NCOA1: variants seen among roughly 807,000 people sequenced by gnomAD.
NCOA1 encodes Hin-2 protein.
A neutral mutation model predicts 150.9 loss-of-function variants in NCOA1; 35 were observed. That is an observed-to-expected ratio of 0.23 (90% CI 0.18 to 0.31). The LOEUF (loss-of-function observed/expected upper bound fraction) is 0.31. NCOA1 is among the 10% of genes least tolerant of loss of function. The probability of loss-of-function intolerance (pLI) is 1.00; values close to 1 mark genes in which losing one functional copy is unlikely to be tolerated. For synonymous variants in NCOA1, 590 were observed against 630.0 expected, an observed-to-expected ratio of 0.94 and a Z score of 0.95; for missense variants, 1,491 against 1,749.3, an observed-to-expected ratio of 0.85 and a Z score of 2.63.
intron 19 of NCOA1, among the ~76,000 whole-genome samples, chr2:24,742,597 C>CT (rs766667222): frequency 1.3e-5 from 2 of 151,790 alleles, no homozygotes; most frequent in South Asian, 2.1e-4. Flanking sequence ...GCTAGGATTA[C>CT]AGGCATGTGC....
intron 7 of NCOA1, among the ~76,000 whole-genome samples, chr2:24,675,320 G>T (rs1671855516): frequency 6.6e-6 from 1 of 152,180 alleles, no homozygotes. Flanking sequence ...CTTGGAAATG[G>T]GATGAAATCA....
At chr2:24,661,786 C>T (rs1020970720) in intron 5 of NCOA1, among the ~76,000 whole-genome samples, 2 of 152,078 alleles carry the variant, frequency 1.3e-5, no homozygotes, top group African/African-American at 4.8e-5. Context: ...ATGATAATTG[C>T]CTTGATATGT....
chr2:24,654,494 C>T (rs1670838367), intron 4 of NCOA1, among the ~76,000 whole-genome samples: 1 of 152,028 alleles, frequency 6.6e-6, no homozygotes, highest in South Asian at 2.1e-4. Flanking sequence ...TGAAAACATC[C>T]AGTTAACAAG....
chr2:24,691,773 T>C, intron 9 of NCOA1, 113 bp downstream of exon 9: 5 of 968,182 alleles, frequency 5.2e-6, no homozygotes, highest in Non-Finnish European at 7.5e-6. Flanking sequence ...TACTATAATA[T>C]GTATCATAGT....
chr2:24,521,284 C>T (rs1664407463), intron 1 of NCOA1, among the ~76,000 whole-genome samples: 1 of 152,110 alleles, frequency 6.6e-6, no homozygotes, highest in South Asian at 2.1e-4. Context: ...TTTTACAGTG[C>T]ATTATTATTA....
chr2:24,599,972 C>A lies in NCOA1; in HGVS notation c.-175+15412C>A, dbSNP rs544651666. ...TCTCGAACTCCTGACCTCAGGTGAT[C>A]CACCCGCCTCCGCCTCCCAAACTGC... On this transcript the variant is annotated intron_variant, in intron 3 of 22. Coordinates refer to ENST00000348332, the MANE Select transcript of NCOA1 (RefSeq NM_003743.5). Among the ~76,000 whole-genome samples the A allele has an allele frequency of 9.9e-5, 15 of 152,166 alleles. No homozygotes were observed. In the East Asian group the frequency reaches 2.7e-3, roughly 27 times the overall value.
chr2:24,585,594 A>C (rs1340966149), intron 3 of NCOA1, among the ~76,000 whole-genome samples: 1 of 151,998 alleles, frequency 6.6e-6, no homozygotes, highest in East Asian at 1.9e-4. Context: ...TTTATTGGCT[A>C]TTGGTCTTTC....
intron 14 of NCOA1, among the ~76,000 whole-genome samples, chr2:24,713,277 T>TA (rs887539481): frequency 6.0e-5 from 9 of 151,166 alleles, no homozygotes; most frequent in African/African-American, 2.2e-4. Context: ...AAATTTAATT[T>TA]AAAAAAATAA....
chr2:24,608,246 C>CTATTATTATTATTAT (rs202179395), intron 3 of NCOA1, among the ~76,000 whole-genome samples: 14 of 131,862 alleles, frequency 1.1e-4, no homozygotes, highest in East Asian at 8.8e-4. Flanking sequence ...CCCAGTTCCC[C>CTATTATTATTATTAT]TATTATTATT....
At chr2:24,695,539 T>G (rs1216445439) in intron 10 of NCOA1, among the ~76,000 whole-genome samples, 1 of 152,206 alleles carries the variant, frequency 6.6e-6, no homozygotes, top group African/African-American at 2.4e-5. Context: ...AAACTAACAT[T>G]ATATAAATCA....
chr2:24,539,515 T>G (rs1466056545), intron 1 of NCOA1, among the ~76,000 whole-genome samples: 1 of 152,164 alleles, frequency 6.6e-6, no homozygotes, highest in African/African-American at 2.4e-5. Flanking sequence ...ACTAAGGCAT[T>G]TAGAGTCTGT....
chr2:24,696,268 A>G (rs1672895165), intron 10 of NCOA1, among the ~76,000 whole-genome samples: 2 of 152,172 alleles, frequency 1.3e-5, no homozygotes, highest in Non-Finnish European at 2.9e-5. Context: ...ACAAAATGAG[A>G]TATATAAAGA....
chr2:24,745,119 A>T (rs947014284), intron 19 of NCOA1, among the ~76,000 whole-genome samples: 2 of 152,106 alleles, frequency 1.3e-5, no homozygotes, highest in Admixed American at 6.5e-5. Flanking sequence ...ATGAGTGTAA[A>T]AGAACAGAAT....
intron 3 of NCOA1, among the ~76,000 whole-genome samples, chr2:24,627,235 A>C (rs1189344251): frequency 6.6e-6 from 1 of 150,728 alleles, no homozygotes; most frequent in Non-Finnish European, 1.5e-5. Context: ...TACATGTGAT[A>C]TAAATTAGCA....
At chr2:24,505,866 G>T (rs957198527) in intron 1 of NCOA1, among the ~76,000 whole-genome samples, 1 of 152,106 alleles carries the variant, frequency 6.6e-6, no homozygotes, top group African/African-American at 2.4e-5. Context: ...TTGCTAAGCC[G>T]AGTTAACGTA....
chr2:24,747,096 G>GCAACAA lies in NCOA1; in HGVS notation c.3707-4870_3707-4865dup, dbSNP rs145460486. 2.0e-4 allele frequency among the ~76,000 whole-genome samples: 30 copies of GCAACAA among 151,404 alleles called. No homozygotes were observed. The South Asian group carries it at 2.7e-3, about 14-fold the overall frequency. Reference sequence around the variant, plus strand: ...TAAAAGACCAACACTAAAAACAACAGCAACAACAACAACAACAACAAAACA... The same window carrying GCAACAA: ...TAAAAGACCAACACTAAAAACAACAGCAACAACAACAACAACAACAACAACAAAACA... On this transcript the variant is annotated intron_variant, in intron 19 of 22. Coordinates refer to ENST00000348332, the MANE Select transcript of NCOA1 (RefSeq NM_003743.5).
chr2:24,762,898 C>T, intron 22 of NCOA1, 122 bp downstream of exon 22: 1 of 810,380 alleles, frequency 1.2e-6, no homozygotes, highest in South Asian at 1.6e-5. Flanking sequence ...CCTGGCTCTG[C>T]TCTTCTTAGC....
intron 7 of NCOA1, among the ~76,000 whole-genome samples, chr2:24,679,366 G>T (rs1672061271): frequency 6.6e-6 from 1 of 152,126 alleles, no homozygotes; most frequent in Non-Finnish European, 1.5e-5. Context: ...ATATTAACCA[G>T]ATATACTTTT....
intron 1 of NCOA1, among the ~76,000 whole-genome samples, chr2:24,525,418 A>G (rs936366993): frequency 6.6e-6 from 1 of 152,234 alleles, no homozygotes; most frequent in Non-Finnish European, 1.5e-5. Flanking sequence ...CATATTAAGG[A>G]TAAGGATTAG....
Sources: allele counts gnomAD v4.1 joint callset (sites outside exome capture counted in the v4.1 genomes callset), GRCh38; gene constraint gnomAD v4.1.1; transcripts MANE v1.5; gene names NCBI Gene and HGNC (gene_info 2026-07-23, HGNC 2026-07-21).